Variants in CCSER1 observed in about 807,000 individuals in gnomAD.
The protein encoded by CCSER1 is coiled-coil serine rich protein 1, also known as serine-rich coiled-coil domain-containing protein 1.
A neutral mutation model predicts 82.0 loss-of-function variants in CCSER1; 41 were observed. That is an observed-to-expected ratio of 0.50 (90% CI 0.39 to 0.65). CCSER1 has a LOEUF of 0.65. CCSER1 is among the 30% of genes least tolerant of loss of function. The pLI is 0.00. For missense variants in CCSER1, 1,119 were observed against 1,064.2 expected (o/e 1.05, Z -0.72); for synonymous variants, 414 against 383.9 (o/e 1.08, Z -0.92).
At chr4:91,448,309 T>C (rs1464521755) in intron 10 of CCSER1, among the ~76,000 whole-genome samples, 1 of 152,110 alleles carries the variant, frequency 6.6e-6, no homozygotes, top group Non-Finnish European at 1.5e-5. Flanking sequence ...TTCTGTAAAT[T>C]CTCCTGTTCT....
intron 7 of CCSER1, among the ~76,000 whole-genome samples, chr4:90,730,763 A>C (rs1467584180): frequency 1.3e-5 from 2 of 152,148 alleles, no homozygotes; most frequent in African/African-American, 4.8e-5. Context: ...TTTTTATGGG[A>C]AGAAACCTGA....
At chr4:90,917,350 T>G (rs1161331567) in intron 8 of CCSER1, among the ~76,000 whole-genome samples, 2 of 152,154 alleles carry the variant, frequency 1.3e-5, no homozygotes, top group Non-Finnish European at 2.9e-5. Flanking sequence ...AATGATGAGT[T>G]CATATCCTTT....
intron 10 of CCSER1, among the ~76,000 whole-genome samples, chr4:91,297,052 C>T (rs1744235094): frequency 6.6e-6 from 1 of 151,448 alleles, no homozygotes. Context: ...GAGTGTATCC[C>T]AGGCAGAAGA....
chr4:91,099,543 C>G (rs1439932013), intron 10 of CCSER1, among the ~76,000 whole-genome samples: 1 of 152,146 alleles, frequency 6.6e-6, no homozygotes, highest in Non-Finnish European at 1.5e-5. Flanking sequence ...CCTGAGAACA[C>G]ATGTCCAAGG....
At chr4:91,074,597 A>G (rs1340683418) in intron 9 of CCSER1, among the ~76,000 whole-genome samples, 1 of 152,214 alleles carries the variant, frequency 6.6e-6, no homozygotes, top group African/African-American at 2.4e-5. Flanking sequence ...GTTTAAACAA[A>G]GATAATTCTG....
intron 1 of CCSER1, among the ~76,000 whole-genome samples, chr4:90,142,375 T>C (rs1054271187): frequency 2.2e-4 from 34 of 152,332 alleles, no homozygotes; most frequent in Admixed American, 1.9e-3. Context: ...TTGTGAGCAA[T>C]ACCTGCTTGG....
chr4:90,253,391 C>G (rs1353841627), intron 1 of CCSER1, among the ~76,000 whole-genome samples: 1 of 152,036 alleles, frequency 6.6e-6, no homozygotes, highest in Non-Finnish European at 1.5e-5. Context: ...GATGTGCTAG[C>G]AATGAATTCT....
At chr4:90,538,867 A>G (rs1349733230) in intron 5 of CCSER1, among the ~76,000 whole-genome samples, 2 of 152,046 alleles carry the variant, frequency 1.3e-5, no homozygotes, top group Non-Finnish European at 2.9e-5. Flanking sequence ...TTCAAGTATA[A>G]AATATTTTAA....
chr4:90,147,954 C>T (rs192176858), intron 1 of CCSER1, among the ~76,000 whole-genome samples: 275 of 152,188 alleles, frequency 1.8e-3, no homozygotes, highest in Non-Finnish European at 3.4e-3. Context: ...CACTTGAGGT[C>T]GGGAGTTTCA....
chr4:90,602,591 ACTGC>A (rs1428033632), intron 5 of CCSER1, among the ~76,000 whole-genome samples: 2 of 152,152 alleles, frequency 1.3e-5, no homozygotes, highest in Non-Finnish European at 2.9e-5. Context: ...GCAACAAGCA[ACTGC>A]CAGGCTACAT....
intron 9 of CCSER1, among the ~76,000 whole-genome samples, chr4:90,994,422 G>A (rs1354131021): frequency 6.6e-6 from 1 of 151,830 alleles, no homozygotes; most frequent in East Asian, 1.9e-4. Context: ...AAAGCAGCAT[G>A]GTTATATGGG....
At chr4:90,435,824 A>G (rs1203591562) in intron 4 of CCSER1, among the ~76,000 whole-genome samples, 1 of 152,052 alleles carries the variant, frequency 6.6e-6, no homozygotes, top group African/African-American at 2.4e-5. Flanking sequence ...AGAGACTAGT[A>G]TGTTTGAAGT....
chr4:90,283,333 G>T (rs1182131232), intron 1 of CCSER1, among the ~76,000 whole-genome samples: 2 of 151,608 alleles, frequency 1.3e-5, no homozygotes, highest in Admixed American at 6.6e-5. Flanking sequence ...TTTTTTATTT[G>T]TATTTTTATT....
At chr4:90,706,411 A>C (rs2149304066) in intron 6 of CCSER1, among the ~76,000 whole-genome samples, 1 of 152,264 alleles carries the variant, frequency 6.6e-6, no homozygotes, top group East Asian at 1.9e-4. Context: ...GTGCTGCTGC[A>C]CTCCAGCCTA....
At chr4:91,052,765 A>G (rs921080667) in intron 9 of CCSER1, among the ~76,000 whole-genome samples, 1 of 152,184 alleles carries the variant, frequency 6.6e-6, no homozygotes, top group Non-Finnish European at 1.5e-5. Context: ...ATGAACATAT[A>G]CCATATTTTG....
chr4:91,426,025 T>C (rs1238678414), intron 10 of CCSER1, among the ~76,000 whole-genome samples: 1 of 152,120 alleles, frequency 6.6e-6, no homozygotes, highest in African/African-American at 2.4e-5. Flanking sequence ...CCTCCTAATG[T>C]TATCCCTTCC....
chr4:90,158,103 T>C (rs1044174313), intron 1 of CCSER1, among the ~76,000 whole-genome samples: 45 of 152,226 alleles, frequency 3.0e-4, no homozygotes, highest in African/African-American at 1.0e-3. Flanking sequence ...GACAGGACCC[T>C]CAGCTGCAGA....
rs568004795 is a variant in CCSER1 at position 90,383,747 on chromosome 4, T to C, written c.1510-16289T>C. On this transcript the variant is annotated intron_variant, in intron 3 of 10. Coordinates refer to ENST00000509176, the MANE Select transcript of CCSER1 (RefSeq NM_001145065.2). ...TCTTCCTTTCTTTTTTTTTTCTTTT[T>C]TAAATACAGGATTTTGTTTTGTTGC... Among the ~76,000 whole-genome samples the C allele has an allele frequency of 5.9e-5, 9 of 152,136 alleles. No homozygotes were observed. The East Asian group carries it at 1.7e-3, about 29-fold the overall frequency.
chr4:90,183,657 A>G (rs147872991), intron 1 of CCSER1, among the ~76,000 whole-genome samples: 2,480 of 152,276 alleles, frequency 0.016, 29 homozygotes, highest in Non-Finnish European at 0.022. Context: ...CTATAGTCTG[A>G]CTTGAGCTTT....
Sources: gnomAD v4.1 joint callset for allele counts (sites outside exome capture counted in the v4.1 genomes callset) on GRCh38, gnomAD v4.1.1 for gene constraint, MANE v1.5 for transcripts, NCBI Gene and HGNC (gene_info 2026-07-23, HGNC 2026-07-21) for gene names.